Variants in HSPG2 observed in about 807,000 individuals in gnomAD.
HSPG2 encodes the protein heparan sulfate proteoglycan 2, also known as basement membrane-specific heparan sulfate proteoglycan core protein.
In HSPG2, 278 loss-of-function variants were observed where a neutral mutation model predicts 526.6. That is an observed-to-expected ratio of 0.53 (90% CI 0.48 to 0.58). HSPG2 has a LOEUF of 0.58. Ranked by LOEUF, HSPG2 falls within the 20% of genes least tolerant of loss-of-function variation. The pLI is 0.00. For synonymous variants in HSPG2, 2,465 were observed against 2,555.4 expected (o/e 0.96, Z 1.07); for missense variants, 5,354 against 6,099.5 (o/e 0.88, Z 4.07).
In HSPG2 at chr1:21,874,987, G is replaced by A. The variant is rs1211810588; in HGVS notation, c.3318C>T (p.Ser1106=). ...QPAESRVSGI[S]MDVAVPEETG... ...TTTCCTCGGGCACAGCCACGTCCAT[G>A]CTGATGCCAGAGACCCTGGGCGTGA... Residue 1106 remains serine (S), a synonymous_variant, in exon 26 of 97, where the codon AGC becomes AGT. Coordinates refer to ENST00000374695, the MANE Select transcript of HSPG2 (RefSeq NM_005529.7). The A allele has an allele frequency of 2.5e-6, 4 of 1,602,908 alleles. No homozygotes were observed. The highest frequency in any genetic ancestry group is 2.6e-6 in the Non-Finnish European group (3 of 1,174,626).
Position 21,887,729 on chromosome 1 carries a change from C to T in HSPG2, c.704-55G>A. On this transcript the variant is annotated intron_variant, in intron 7 of 96. Coordinates refer to ENST00000374695, the MANE Select transcript of HSPG2 (RefSeq NM_005529.7). This position sits in a 1 kb window ranked among gnomAD's most constrained non-coding sequence, Gnocchi z 5.0. ...AGAAGCAGATGGCTCCTCACCTGCT[C>T]CTTGTCCCCAACCCTCCCCAGGCCC... 1.2e-6 allele frequency: 2 copies of T among 1,610,646 alleles called. No individual in the cohort carries two copies. Among genetic ancestry groups the T allele is most frequent in the Non-Finnish European group, 1.7e-6 (2 of 1,177,360 alleles).
Position 21,872,942 on chromosome 1 carries a change from A to C in HSPG2, c.3888+55T>G. The C allele has an allele frequency of 1.3e-6, 2 of 1,570,116 alleles. No individual in the cohort carries two copies. The highest frequency in any genetic ancestry group is 1.1e-5 in the South Asian group (1 of 90,242). On this transcript the variant is annotated intron_variant, in intron 31 of 96. Transcript: ENST00000374695. This position sits in a 1 kb window ranked among gnomAD's most constrained non-coding sequence, Gnocchi z 5.5. Reference sequence around the variant, plus strand: ...ACCAGATGCTGCCTGATTTCCCCGCAGGGTCTGGGCAGCGGGGCAGAGCAG... The same window carrying C: ...ACCAGATGCTGCCTGATTTCCCCGCCGGGTCTGGGCAGCGGGGCAGAGCAG...
At chr1:21,899,606 C>G (rs1378490096) in intron 1 of HSPG2, among the ~76,000 whole-genome samples, 1 of 152,134 alleles carries the variant, frequency 6.6e-6, no homozygotes. Flanking sequence ...CCTCTGTGAC[C>G]AGGGGTATGC....
intron 68 of HSPG2, 27 bp downstream of exon 68, chr1:21,842,212 C>G (rs770577277): frequency 1.2e-6 from 2 of 1,613,112 alleles, no homozygotes; most frequent in Admixed American, 1.7e-5. Flanking sequence ...CCCTTCCCCC[C>G]TTGCCCATGG....
intron 64 of HSPG2, among the ~76,000 whole-genome samples, chr1:21,845,127 T>A (rs1049678552): frequency 6.6e-6 from 1 of 152,070 alleles, no homozygotes; most frequent in Non-Finnish European, 1.5e-5. Context: ...ACACCTGTAA[T>A]CCCAGCTACT....
At position 21,884,993 on chromosome 1, in the gene HSPG2, A is replaced by T; in HGVS notation, c.1355+20T>A. The T allele has an allele frequency of 6.2e-7, 1 of 1,613,574 alleles. No individual in the cohort carries two copies. The highest frequency in any genetic ancestry group is 8.5e-7 in the Non-Finnish European group (1 of 1,179,956). On this transcript the variant is annotated intron_variant, in intron 11 of 96. Coordinates refer to ENST00000374695, the MANE Select transcript of HSPG2 (RefSeq NM_005529.7). Reference sequence around the variant, plus strand: ...AGCTGCCCCTCATTCCCACCCCACCACCTGGGCCCAGAGCCGCACCTGGGA... The same window carrying T: ...AGCTGCCCCTCATTCCCACCCCACCTCCTGGGCCCAGAGCCGCACCTGGGA...
In HSPG2 at chr1:21,855,524, A is replaced by C. The variant is rs1639269798; in HGVS notation, c.5853T>G (p.His1951Gln). The C allele has an allele frequency of 6.2e-7, 1 of 1,609,248 alleles. No homozygotes were observed. Among genetic ancestry groups the C allele is most frequent in the Non-Finnish European group, 8.5e-7 (1 of 1,178,700 alleles). Residue 1951 changes from histidine to glutamine, a missense_variant and splice_region_variant, in exon 46 of 97, where the codon CAT becomes CAG. Transcript: ENST00000374695. ...CCCACCCTGAGCCCGGCCTCTCACC[A>C]TGCACGTGGAGCACAGCCCTGGCCA... ...QQVARAVLHV[H>Q]GGGGPRVQVS...
At position 21,865,444 on chromosome 1, in the gene HSPG2, T is replaced by A; in HGVS notation, c.4315-79A>T. ...AGGGTGTCCTCCACCAGTCCTAGAT[T>A]CTCTGTAACCCCCAGCCTCCCACCT... On this transcript the variant is annotated intron_variant, in intron 34 of 96. Coordinates refer to ENST00000374695, the MANE Select transcript of HSPG2 (RefSeq NM_005529.7). The surrounding 1 kb of genome is among the most constrained non-coding windows in gnomAD (Gnocchi z 5.4). The A allele has an allele frequency of 3.7e-6, 5 of 1,355,642 alleles. No homozygotes were observed. The South Asian group carries it at 5.8e-5, about 16-fold the overall frequency. The allele number at this position is 1,355,642 out of a possible 1,614,324, so 84.0% of individuals were successfully genotyped here.
chr1:21,849,035 G>T lies in HSPG2; in HGVS notation c.7447-4C>A, dbSNP rs768889234. 5.0e-6 allele frequency: 8 copies of T among 1,613,132 alleles called. No individual in the cohort carries two copies. In the East Asian group the frequency reaches 1.8e-4, roughly 36 times the overall value. On this transcript the variant is annotated splice_region_variant and splice_polypyrimidine_tract_variant and intron_variant, in intron 57 of 96. Transcript: ENST00000374695. The stretch of plus-strand genomic sequence containing the variant: ...GGCGTAGCCTCGAGCCATGCACCTG[G>T]GAGGGTCAGGAGGGAGGAGGCAGGC...
In HSPG2 at chr1:21,850,180, G is replaced by A. The variant is rs747403733; in HGVS notation, c.7307C>T (p.Thr2436Ile). 1.2e-6 allele frequency: 2 copies of A among 1,613,376 alleles called. No individual in the cohort carries two copies. Among genetic ancestry groups the A allele is most frequent in the East Asian group, 4.5e-5 (2 of 44,888 alleles). The change falls in exon 57 of 97, where the codon ACC becomes ATC. Residue 2436 changes from threonine to isoleucine, a missense_variant. By Grantham distance (89) the Thr-to-Ile change is moderately conservative. Transcript: ENST00000374695. ...CGATGACTCGATCCGGACCGTGGGG[G>A]TGACCCCAAGTGCTGGGGACAGAGG... ...PAGSVPALGV[T>I]PTVRIESSSS... is the part of the protein sequence containing the mutation.
intron 50 of HSPG2, 80 bp from the exon 51 acceptor site, chr1:21,853,150 G>T: frequency 6.3e-7 from 1 of 1,587,860 alleles, no homozygotes; most frequent in Non-Finnish European, 8.6e-7. Flanking sequence ...TCTGGGCTGT[G>T]ACCAGGCCCT....
intron 85 of HSPG2, 59 bp downstream of exon 85, chr1:21,830,922 AG>A: frequency 9.0e-7 from 1 of 1,114,006 alleles, no homozygotes; most frequent in Non-Finnish European, 1.3e-6. Context: ...GGATATGGGG[AG>A]GCAGCAAAGG....
In HSPG2 at chr1:21,841,529, G is replaced by A. The variant is rs777505714; in HGVS notation, c.9328+10C>T. On this transcript the variant is annotated intron_variant, in intron 70 of 96. Coordinates refer to ENST00000374695, the MANE Select transcript of HSPG2 (RefSeq NM_005529.7). The stretch of plus-strand genomic sequence containing the variant: ...CAGGGCAGAGCCCCACAGGGTCAAC[G>A]TCCCCTCACCGTGCACACTGAGGTT... 4.5e-5 allele frequency: 72 copies of A among 1,614,054 alleles called. No homozygotes were observed. The highest frequency in any genetic ancestry group is 3.2e-4 in the Admixed American group (19 of 60,004).
At chr1:21,851,049 T>G (rs1382367603) in intron 55 of HSPG2, among the ~76,000 whole-genome samples, 1 of 151,710 alleles carries the variant, frequency 6.6e-6, no homozygotes, top group Admixed American at 6.6e-5. Flanking sequence ...CTTGGCTCAC[T>G]GCAGCCTCCG....
At position 21,824,296 on chromosome 1, in the gene HSPG2, C is replaced by T. The variant is rs1290779456; in HGVS notation, c.12815+10G>A. 1 of 1,613,754 alleles carries T rather than the reference C, an allele frequency of 6.2e-7. No individual in the cohort carries two copies. The highest frequency in any genetic ancestry group is 1.7e-5 in the Admixed American group (1 of 60,008). On this transcript the variant is annotated intron_variant, in intron 94 of 96. Coordinates refer to ENST00000374695, the MANE Select transcript of HSPG2 (RefSeq NM_005529.7). The surrounding 1 kb of genome is among the most constrained non-coding windows in gnomAD (Gnocchi z 5.9). ...GGAAGGGAGAGGAAGGGCCAGGTGC[C>T]AGGACCTACCTGAAGACAAGGTGCC...
Position 21,836,952 on chromosome 1 carries a change from A to G in HSPG2, c.10205T>C (p.Val3402Ala), listed in dbSNP as rs567675417. The G allele has an allele frequency of 1.9e-6, 3 of 1,555,904 alleles. No homozygotes were observed. Among genetic ancestry groups the G allele is most frequent in the East Asian group, 2.4e-5 (1 of 41,324 alleles). The change falls in exon 75 of 97, where the codon GTG becomes GCG. Residue 3402 changes from valine (V) to alanine (A), a missense_variant. Val to Ala is a moderately conservative substitution (Grantham distance 64). Coordinates refer to ENST00000374695, the MANE Select transcript of HSPG2 (RefSeq NM_005529.7). ...GGTCTCTAGCTGAGGCGTGACCTGC[A>G]CGGTGGGCGTGGACCCTGCTGGGAT... Reference protein sequence around the residue: ...TSIPAGSTPTVQVTPQLETKS... With the variant: ...TSIPAGSTPTAQVTPQLETKS...
At position 21,898,845 on chromosome 1, in the gene HSPG2, T is replaced by C. The variant is rs1642926540; in HGVS notation, c.64-2535A>G. 6.6e-6 allele frequency among the ~76,000 whole-genome samples: 1 copy of C among 152,198 alleles called. No homozygotes were observed. The highest frequency in any genetic ancestry group is 1.5e-5 in the Non-Finnish European group (1 of 68,030). On this transcript the variant is annotated intron_variant, in intron 1 of 96. Coordinates refer to ENST00000374695, the MANE Select transcript of HSPG2 (RefSeq NM_005529.7). The surrounding 1 kb of genome is among the most constrained non-coding windows in gnomAD (Gnocchi z 4.0). ...CTGGAGCACTGCGACTCCCAGCATC[T>C]CCTAGACACTGCCGTCTGGAAAGGA... is the stretch of plus-strand genomic sequence containing the variant.
chr1:21,896,022 T>G (rs1642718937), intron 2 of HSPG2, 56 bp from the exon 3 acceptor site: 1 of 1,596,900 alleles, frequency 6.3e-7, no homozygotes, highest in East Asian at 2.2e-5. Flanking sequence ...GAGTACCTAC[T>G]GGGTGTCAGG....
chr1:21,902,933 AC>A (rs1280402512), intron 1 of HSPG2, among the ~76,000 whole-genome samples: 1 of 152,180 alleles, frequency 6.6e-6, no homozygotes, highest in Non-Finnish European at 1.5e-5. Flanking sequence ...CATGTGAACA[AC>A]ACGTGGAAGG....
Sources: allele counts gnomAD v4.1 joint callset (sites outside exome capture counted in the v4.1 genomes callset), GRCh38; gene constraint gnomAD v4.1.1; non-coding constraint Gnocchi (gnomAD v3.1); transcripts MANE v1.5; gene names NCBI Gene and HGNC (gene_info 2026-07-23, HGNC 2026-07-21).